DLG2: variants seen among roughly 807,000 people sequenced by gnomAD.
DLG2 encodes the protein discs large MAGUK scaffold protein 2.
In DLG2, 45 loss-of-function variants were observed where a neutral mutation model predicts 132.5. That is an observed-to-expected ratio of 0.34 (90% CI 0.27 to 0.44). The LOEUF is 0.44. Among genes scored for constraint, DLG2 ranks in the 20% least tolerant of loss-of-function variants. DLG2 has a pLI of 1.00. For synonymous variants in DLG2, 424 were observed against 419.6 expected, an observed-to-expected ratio of 1.01 and a Z score of -0.13; for missense variants, 1,045 against 1,196.9, an observed-to-expected ratio of 0.87 and a Z score of 1.87.
At chr11:84,507,104 A>T (rs2099243524) in intron 7 of DLG2, among the ~76,000 whole-genome samples, 1 of 152,222 alleles carries the variant, frequency 6.6e-6, no homozygotes, top group Non-Finnish European at 1.5e-5. Flanking sequence ...CAGATTAATT[A>T]GTTGGCATCA....
intron 21 of DLG2, among the ~76,000 whole-genome samples, chr11:83,519,759 G>T (rs951393471): frequency 6.6e-6 from 1 of 152,226 alleles, no homozygotes; most frequent in African/African-American, 2.4e-5. Context: ...AAACACAGAA[G>T]TTCAGGCAGC....
chr11:85,168,837 T>A (rs952583680), intron 4 of DLG2, among the ~76,000 whole-genome samples: 1 of 152,276 alleles, frequency 6.6e-6, no homozygotes, highest in African/African-American at 2.4e-5. Flanking sequence ...GTCTTCGTCA[T>A]TGCAAACCTT....
At chr11:84,684,181 GA>G (rs2099736046) in intron 6 of DLG2, among the ~76,000 whole-genome samples, 2 of 152,264 alleles carry the variant, frequency 1.3e-5, no homozygotes, top group South Asian at 2.1e-4. Context: ...ATCAAGGACT[GA>G]AAAAATGTAT....
chr11:85,524,665 T>C (rs2074602284), intron 3 of DLG2, among the ~76,000 whole-genome samples: 3 of 152,068 alleles, frequency 2.0e-5, no homozygotes, highest in African/African-American at 7.2e-5. Context: ...ACTAATTTTG[T>C]TTATTTTTTG....
chr11:83,826,693 A>G (rs1462070498), intron 17 of DLG2, among the ~76,000 whole-genome samples: 1 of 152,138 alleles, frequency 6.6e-6, no homozygotes, highest in Non-Finnish European at 1.5e-5. Context: ...AAAGTTTAAG[A>G]GTATGTCCTG....
At chr11:84,428,266 T>G (rs957351291) in intron 7 of DLG2, among the ~76,000 whole-genome samples, 2 of 152,174 alleles carry the variant, frequency 1.3e-5, no homozygotes, top group Non-Finnish European at 2.9e-5. Flanking sequence ...TATCAGAACT[T>G]ACATATTTTG....
chr11:85,473,584 A>C (rs1483479232), intron 3 of DLG2, among the ~76,000 whole-genome samples: 2 of 152,172 alleles, frequency 1.3e-5, no homozygotes, highest in Non-Finnish European at 2.9e-5. Context: ...TATAAATGTA[A>C]ATTTTTAACA....
chr11:84,719,188 A>G (rs914669948), intron 6 of DLG2, among the ~76,000 whole-genome samples: 1 of 152,178 alleles, frequency 6.6e-6, no homozygotes, highest in African/African-American at 2.4e-5. Flanking sequence ...AGCACTATCC[A>G]TGAAGTTCAG....
intron 7 of DLG2, among the ~76,000 whole-genome samples, chr11:84,303,961 T>C (rs2098186484): frequency 6.6e-6 from 1 of 152,206 alleles, no homozygotes. Context: ...TTTATTAACT[T>C]ACTGTTACGT....
At chr11:85,254,468 T>G (rs1346761009) in intron 4 of DLG2, among the ~76,000 whole-genome samples, 2 of 152,238 alleles carry the variant, frequency 1.3e-5, no homozygotes, top group African/African-American at 4.8e-5. Context: ...TTTTTCATTC[T>G]GTTTTTAATT....
At chr11:84,597,457 T>G (rs1442410221) in intron 6 of DLG2, among the ~76,000 whole-genome samples, 1 of 152,182 alleles carries the variant, frequency 6.6e-6, no homozygotes, top group Admixed American at 6.5e-5. Context: ...CCAAAAATTA[T>G]GTCAAAATGT....
intron 4 of DLG2, among the ~76,000 whole-genome samples, chr11:85,273,609 A>G (rs367828327): frequency 1.1e-3 from 161 of 152,282 alleles, no homozygotes; most frequent in Admixed American, 1.9e-3. Flanking sequence ...GAAACAACAG[A>G]TGCTGGAGAG....
At chr11:83,999,332 C>T (rs2094213108) in intron 11 of DLG2, among the ~76,000 whole-genome samples, 1 of 152,164 alleles carries the variant, frequency 6.6e-6, no homozygotes, top group South Asian at 2.1e-4. Flanking sequence ...CAGCTGGCAC[C>T]TACCTGCATG....
chr11:83,522,116 G>A (rs552029203), intron 21 of DLG2, among the ~76,000 whole-genome samples: 8 of 152,206 alleles, frequency 5.3e-5, no homozygotes, highest in South Asian at 4.2e-4. Flanking sequence ...CCCTCTATTC[G>A]TTTACTTTTG....
intron 21 of DLG2, among the ~76,000 whole-genome samples, chr11:83,485,030 C>T (rs1236763591): frequency 4.6e-5 from 7 of 152,204 alleles, no homozygotes; most frequent in Non-Finnish European, 5.9e-5. Flanking sequence ...CAACCAAAAT[C>T]TGTTAAAATT....
At chr11:85,608,963 T>C (rs924721939) in intron 2 of DLG2, among the ~76,000 whole-genome samples, 12 of 152,152 alleles carry the variant, frequency 7.9e-5, no homozygotes, top group African/African-American at 2.9e-4. Context: ...AATGATAGAA[T>C]GACAGCTGAG....
chr11:85,404,215 T>C (rs1439249898), intron 3 of DLG2, among the ~76,000 whole-genome samples: 2 of 151,932 alleles, frequency 1.3e-5, no homozygotes, highest in African/African-American at 2.4e-5. Flanking sequence ...GAGAAAAATA[T>C]CTGGCATCAT....
intron 4 of DLG2, among the ~76,000 whole-genome samples, chr11:85,199,128 CT>C (rs1246051207): frequency 6.6e-6 from 1 of 152,158 alleles, no homozygotes; most frequent in Non-Finnish European, 1.5e-5. Flanking sequence ...TTCAGAGCAA[CT>C]TTATTCATAA....
intron 14 of DLG2, among the ~76,000 whole-genome samples, chr11:83,940,986 TG>T (rs2082528441): frequency 2.0e-5 from 3 of 152,250 alleles, no homozygotes; most frequent in Non-Finnish European, 4.4e-5. Context: ...TTGTCATGTC[TG>T]TGGATGTGAA....
Sources: gnomAD v4.1 joint callset for allele counts (sites outside exome capture counted in the v4.1 genomes callset) on GRCh38, gnomAD v4.1.1 for gene constraint, MANE v1.5 for transcripts, NCBI Gene and HGNC (gene_info 2026-07-23, HGNC 2026-07-21) for gene names.